TIAM1: variants seen among roughly 807,000 people sequenced by gnomAD.
TIAM1 encodes TIAM Rac1 associated GEF 1.
A neutral mutation model predicts 163.5 loss-of-function variants in TIAM1; 65 were observed. The ratio of observed to expected loss-of-function variants is 0.40; its 90% CI spans 0.33 to 0.49. The LOEUF is 0.49. Ranked by LOEUF, TIAM1 falls within the 20% of genes least tolerant of loss-of-function variation. The pLI, the probability that TIAM1 is intolerant of heterozygous loss-of-function variation, is 0.77. For synonymous variants in TIAM1, 833 were observed against 810.1 expected (o/e 1.03, Z -0.48); for missense variants, 1,789 against 2,044.7 (o/e 0.87, Z 2.41).
intron 3 of TIAM1, among the ~76,000 whole-genome samples, chr21:31,269,475 C>T (rs942712216): frequency 6.6e-6 from 1 of 152,110 alleles, no homozygotes; most frequent in African/African-American, 2.4e-5. Context: ...CTGAAACACC[C>T]TTCAATTTGA....
At chr21:31,216,030 A>C (rs916168248) in intron 9 of TIAM1, among the ~76,000 whole-genome samples, 5 of 152,090 alleles carry the variant, frequency 3.3e-5, no homozygotes, top group African/African-American at 1.2e-4. Flanking sequence ...TATTAGCTGC[A>C]CGTGGTGGTG....
At chr21:31,155,535 C>T (rs564249968) in intron 16 of TIAM1, among the ~76,000 whole-genome samples, 23 of 151,838 alleles carry the variant, frequency 1.5e-4, no homozygotes, top group Non-Finnish European at 2.9e-4. Flanking sequence ...GACGGAGTCT[C>T]GCTCTGTCAC....
At chr21:31,403,712 A>C (rs894688079) in intron 2 of TIAM1, among the ~76,000 whole-genome samples, 1 of 152,180 alleles carries the variant, frequency 6.6e-6, no homozygotes, top group Non-Finnish European at 1.5e-5. Context: ...AGAATAAGGA[A>C]TAGTCTAAAA....
At chr21:31,488,815 C>T (rs935476917) in intron 1 of TIAM1, among the ~76,000 whole-genome samples, 4 of 151,182 alleles carry the variant, frequency 2.6e-5, no homozygotes, top group Non-Finnish European at 4.4e-5. Flanking sequence ...AAATCTTATC[C>T]GGAAGGGAGA....
intron 2 of TIAM1, among the ~76,000 whole-genome samples, chr21:31,392,129 T>C (rs2076975107): frequency 1.3e-5 from 2 of 152,256 alleles, no homozygotes; most frequent in South Asian, 4.1e-4. Flanking sequence ...GTATTAAATG[T>C]ATTTTCAACT....
chr21:31,334,206 T>C (rs112773758), intron 2 of TIAM1, among the ~76,000 whole-genome samples: 6 of 152,234 alleles, frequency 3.9e-5, no homozygotes, highest in South Asian at 4.2e-4. Context: ...ATGTCAACTC[T>C]TGTGCTTTCT....
At chr21:31,217,404 T>C in intron 9 of TIAM1, 149 bp downstream of exon 9, 1 of 1,090,048 alleles carries the variant, frequency 9.2e-7, no homozygotes, top group Non-Finnish European at 1.3e-6. Flanking sequence ...CATTATCTAT[T>C]AAAAGTGTCT....
At chr21:31,220,432 G>A (rs996191907) in intron 8 of TIAM1, among the ~76,000 whole-genome samples, 5 of 152,020 alleles carry the variant, frequency 3.3e-5, no homozygotes, top group African/African-American at 7.2e-5. Flanking sequence ...ACACCAACAC[G>A]GCACATGTAT....
chr21:31,437,807 C>T (rs918778729), intron 2 of TIAM1, among the ~76,000 whole-genome samples: 7 of 152,310 alleles, frequency 4.6e-5, no homozygotes, highest in African/African-American at 1.7e-4. Flanking sequence ...CCCAGCCATG[C>T]TTCCAGTATA....
intron 15 of TIAM1, among the ~76,000 whole-genome samples, chr21:31,180,020 C>T (rs1047668693): frequency 1.3e-5 from 2 of 151,498 alleles, no homozygotes; most frequent in Admixed American, 6.6e-5. Flanking sequence ...ATTCTTTTGC[C>T]TCAGCCTCCC....
At chr21:31,358,155 G>C (rs907925428) in intron 2 of TIAM1, among the ~76,000 whole-genome samples, 10 of 152,152 alleles carry the variant, frequency 6.6e-5, no homozygotes, top group Non-Finnish European at 1.5e-4. Flanking sequence ...GGCATCCCAG[G>C]GTAGGCCATA....
At chr21:31,295,386 CG>C (rs1313959559) in intron 2 of TIAM1, among the ~76,000 whole-genome samples, 1 of 143,262 alleles carries the variant, frequency 7.0e-6, no homozygotes, top group Non-Finnish European at 1.5e-5. Flanking sequence ...AGGAGAATGG[CG>C]TGAACCCAGG....
At position 31,120,602 on chromosome 21, in the gene TIAM1, G is replaced by A. The variant is rs1255532881; in HGVS notation, c.4542C>T (p.Ser1514=). 13 of 1,613,956 alleles carry A rather than the reference G, an allele frequency of 8.1e-6. No homozygotes were observed. The highest frequency in any genetic ancestry group is 4.4e-5 in the South Asian group (4 of 91,080). The change falls in exon 28 of 28, where the codon TCC becomes TCT. Residue 1514 remains serine (S), a synonymous_variant. Transcript: ENST00000541036. This position sits in a 1 kb window ranked among gnomAD's most constrained non-coding sequence, Gnocchi z 4.2. ...ILSDDDEFCE[S]VKGASVDRDL... is the part of the protein sequence containing the mutation. ...CTCTGTCCACTGAGGCACCCTTCAC[G>A]GACTCACAGAACTCATCATCGTCAC... is the stretch of plus-strand genomic sequence containing the variant.
chr21:31,442,662 T>C (rs2044479094), intron 2 of TIAM1, among the ~76,000 whole-genome samples: 1 of 152,154 alleles, frequency 6.6e-6, no homozygotes, highest in Non-Finnish European at 1.5e-5. Flanking sequence ...ATATCAAGAA[T>C]GAAAGGATAA....
intron 2 of TIAM1, among the ~76,000 whole-genome samples, chr21:31,291,211 C>A (rs1009317618): frequency 4.6e-5 from 7 of 152,042 alleles, no homozygotes; most frequent in Non-Finnish European, 8.8e-5. Flanking sequence ...GGGTAAGAAG[C>A]CAAGAAATTT....
chr21:31,257,377 T>C (rs1482170852), intron 4 of TIAM1, among the ~76,000 whole-genome samples: 2 of 152,174 alleles, frequency 1.3e-5, no homozygotes, highest in Non-Finnish European at 1.5e-5. Flanking sequence ...CCAAAGTAAG[T>C]TGGCAAAAGC....
At chr21:31,498,225 A>G (rs1367941494) in intron 1 of TIAM1, among the ~76,000 whole-genome samples, 2 of 152,246 alleles carry the variant, frequency 1.3e-5, no homozygotes, top group Non-Finnish European at 2.9e-5. Flanking sequence ...GAGCTTTCCA[A>G]GATGATCACA....
Position 31,182,382 on chromosome 21 carries a change from G to T in TIAM1, c.2887+39C>A, listed in dbSNP as rs755255856. On this transcript the variant is annotated intron_variant, in intron 15 of 27. Coordinates refer to ENST00000541036, the MANE Select transcript of TIAM1 (RefSeq NM_001353694.2). ...TAAACTCCCCGGGTCGTGGCACAAC[G>T]GAGTTCAGACTCGCCCCCAGCACCC... The T allele has an allele frequency of 7.5e-6, 11 of 1,460,664 alleles. No homozygotes were observed. In the South Asian group the frequency reaches 1.6e-4, roughly 22 times the overall value. The allele number at this position is 1,460,664 out of a possible 1,614,324, so 90.5% of individuals were successfully genotyped here. A position where few individuals can be genotyped will look rare whatever the true frequency, so the allele number is the denominator to read the frequency against.
intron 16 of TIAM1, among the ~76,000 whole-genome samples, chr21:31,161,893 T>C (rs1199650878): frequency 6.6e-6 from 1 of 152,206 alleles, no homozygotes; most frequent in Admixed American, 6.5e-5. Context: ...TTAGCCTTGA[T>C]CAAGAAACTT....
Sources: allele counts gnomAD v4.1 joint callset (sites outside exome capture counted in the v4.1 genomes callset), GRCh38; gene constraint gnomAD v4.1.1; non-coding constraint Gnocchi (gnomAD v3.1); transcripts MANE v1.5; gene names NCBI Gene and HGNC (gene_info 2026-07-23, HGNC 2026-07-21).